Variants in PAM observed in about 807,000 individuals in gnomAD.
PAM encodes the protein peptidylglycine alpha-amidating monooxygenase.
Under a neutral mutation model 122.1 loss-of-function variants are expected in PAM, and 72 were observed. The ratio of observed to expected loss-of-function variants is 0.59; its 90% confidence interval spans 0.49 to 0.72. The LOEUF (loss-of-function observed/expected upper bound fraction) is 0.72, where lower values mean the gene tolerates loss of function less well. Among genes scored for constraint, PAM ranks in the 30% least tolerant of loss-of-function variants. The probability of loss-of-function intolerance (pLI) is 0.00; values close to 1 mark genes in which losing one functional copy is unlikely to be tolerated. For synonymous variants in PAM, 389 were observed against 404.4 expected (o/e 0.96, Z 0.46); for missense variants, 1,106 against 1,183.7 (o/e 0.93, Z 0.96).
intron 3 of PAM, among the ~76,000 whole-genome samples, chr5:102,882,033 G>C (rs911893613): frequency 1.6e-5 from 2 of 122,926 alleles, no homozygotes; most frequent in Non-Finnish European, 3.3e-5. Context: ...TTTTGTGGCT[G>C]AGTAGTATTC....
chr5:102,959,861 T>A lies in PAM; in HGVS notation c.906-14T>A, dbSNP rs770070458. Reference sequence around the variant, plus strand: ...GTGAATAGTTGATTTGTTATATCTTTTTTTTGCCTGCAGTGGCACGTCTAG... The same window carrying A: ...GTGAATAGTTGATTTGTTATATCTTATTTTTGCCTGCAGTGGCACGTCTAG... On this transcript the variant is annotated splice_polypyrimidine_tract_variant and intron_variant, in intron 12 of 25. Transcript: ENST00000438793. 6.3e-7 allele frequency: 1 copy of A among 1,593,884 alleles called. No individual in the cohort carries two copies. Among genetic ancestry groups the A allele is most frequent in the Non-Finnish European group, 8.6e-7 (1 of 1,163,052 alleles).
intron 1 of PAM, among the ~76,000 whole-genome samples, chr5:102,827,767 A>G: frequency 1.7e-5 from 1 of 59,124 alleles, no homozygotes; most frequent in Non-Finnish European, 2.8e-5. Context: ...GCTCACTGCA[A>G]GCTCCGCTTC....
rs143365719 is a variant in PAM, at chr5:102,990,313, T to C, written c.1525T>C (p.Leu509=). ...EEALDWPGVY[L]LPGQVSGVAL... Reference sequence around the variant, plus strand: ...GGCACTGGATTGGCCTGGAGTATACTTGTTACCAGGCCAGGTTTCTGGGGT... The same window carrying C: ...GGCACTGGATTGGCCTGGAGTATACCTGTTACCAGGCCAGGTTTCTGGGGT... Residue 509 remains leucine, a synonymous_variant, in exon 16 of 26, where the codon TTG becomes CTG. Transcript: ENST00000438793. The C allele has an allele frequency of 6.0e-5, 96 of 1,608,584 alleles. No homozygotes were observed. The African/African-American group carries it at 1.1e-3, about 18-fold the overall frequency.
At chr5:103,026,982 T>C (rs987653952) in intron 24 of PAM, among the ~76,000 whole-genome samples, 2 of 152,166 alleles carry the variant, frequency 1.3e-5, no homozygotes, top group African/African-American at 4.8e-5. Context: ...CAGGAATGTG[T>C]TAGGAAGGTA....
chr5:102,902,771 G>C, intron 4 of PAM, among the ~76,000 whole-genome samples: 1 of 151,078 alleles, frequency 6.6e-6, no homozygotes, highest in East Asian at 2.0e-4. Flanking sequence ...GGGTTGTTTT[G>C]AGTCCTGTTT....
At chr5:102,954,808 A>T (rs1188742416) in intron 12 of PAM, among the ~76,000 whole-genome samples, 1 of 152,118 alleles carries the variant, frequency 6.6e-6, no homozygotes, top group African/African-American at 2.4e-5. Context: ...TTTAATATTA[A>T]TTATTGGGAC....
intron 3 of PAM, among the ~76,000 whole-genome samples, chr5:102,876,814 A>G (rs59971900): frequency 0.047 from 7,112 of 152,332 alleles, 349 homozygotes; most frequent in East Asian, 0.18. Context: ...CAAAGGCTCT[A>G]TTCTCAGGTA....
intron 1 of PAM, among the ~76,000 whole-genome samples, chr5:102,831,573 A>G (rs1444710165): frequency 6.6e-6 from 1 of 152,108 alleles, no homozygotes; most frequent in Non-Finnish European, 1.5e-5. Context: ...TGAAATATAA[A>G]TATGTTTATC....
At chr5:103,005,907 C>CG (rs1554170191) in intron 18 of PAM, among the ~76,000 whole-genome samples, 1 of 150,794 alleles carries the variant, frequency 6.6e-6, no homozygotes, top group African/African-American at 2.4e-5. Flanking sequence ...CTGTTCCTAA[C>CG]TTGTTGTTGT....
chr5:102,938,040 C>A (rs780981667), intron 7 of PAM, among the ~76,000 whole-genome samples: 5 of 152,092 alleles, frequency 3.3e-5, no homozygotes, highest in Non-Finnish European at 7.4e-5. Flanking sequence ...GAATTGTAAT[C>A]GGATATTCTT....
chr5:102,763,812 AG>A (rs564226248), intron 1 of PAM, among the ~76,000 whole-genome samples: 48 of 152,326 alleles, frequency 3.2e-4, no homozygotes, highest in African/African-American at 1.1e-3. Flanking sequence ...CAGTCCACAA[AG>A]GGTCTTGCTG....
intron 15 of PAM, among the ~76,000 whole-genome samples, chr5:102,989,068 C>A (rs563379105): frequency 2.0e-5 from 3 of 152,274 alleles, no homozygotes; most frequent in South Asian, 4.1e-4. Context: ...TCCTCAGAAT[C>A]TTTGTTGAAG....
At chr5:102,791,862 T>C (rs1040146406) in intron 1 of PAM, among the ~76,000 whole-genome samples, 3 of 152,150 alleles carry the variant, frequency 2.0e-5, no homozygotes, top group Non-Finnish European at 2.9e-5. Context: ...TAGGACATCG[T>C]AGGAGTTTCT....
intron 2 of PAM, chr5:102,866,591 C>T: frequency 2.8e-6 from 1 of 354,160 alleles, no homozygotes; most frequent in South Asian, 3.3e-5. Context: ...TTGTTTATAA[C>T]AGCTCGAAGA....
intron 1 of PAM, among the ~76,000 whole-genome samples, chr5:102,848,347 G>A (rs1780473981): frequency 6.6e-6 from 1 of 152,114 alleles, no homozygotes; most frequent in Non-Finnish European, 1.5e-5. Flanking sequence ...TACTGTACAC[G>A]GCAAAGGCAA....
intron 12 of PAM, 50 bp downstream of exon 12, chr5:102,950,870 C>T (rs1304206722): frequency 9.1e-7 from 1 of 1,092,906 alleles, no homozygotes; most frequent in East Asian, 2.4e-5. Flanking sequence ...TGGGATAAGG[C>T]ATGATTACAG....
At chr5:102,855,756 T>C (rs1782465346) in intron 1 of PAM, among the ~76,000 whole-genome samples, 1 of 152,072 alleles carries the variant, frequency 6.6e-6, no homozygotes, top group South Asian at 2.1e-4. Context: ...AATGTGTTGA[T>C]TGATTGCAAG....
chr5:102,874,520 G>A (rs1374123473), intron 3 of PAM, among the ~76,000 whole-genome samples: 2 of 151,618 alleles, frequency 1.3e-5, no homozygotes, highest in African/African-American at 4.9e-5. Context: ...AGAACTGCAA[G>A]TATGAGTATA....
intron 1 of PAM, among the ~76,000 whole-genome samples, chr5:102,782,628 G>A (rs558704091): frequency 6.6e-6 from 1 of 151,750 alleles, no homozygotes; most frequent in East Asian, 1.9e-4. Context: ...TCAATATTTG[G>A]TTCTTAAGTT....
Sources: allele counts gnomAD v4.1 joint callset (sites outside exome capture counted in the v4.1 genomes callset), GRCh38; gene constraint gnomAD v4.1.1; transcripts MANE v1.5; gene names NCBI Gene and HGNC (gene_info 2026-07-23, HGNC 2026-07-21).